Variants in RNF169 observed in about 807,000 individuals in gnomAD.
RNF169 encodes ring finger protein 169.
A neutral mutation model predicts 53.9 loss-of-function variants in RNF169; 24 were observed. That is an observed-to-expected ratio of 0.45 (90% CI 0.32 to 0.63). The LOEUF (loss-of-function observed/expected upper bound fraction) is 0.63. RNF169 is among the 20% of genes least tolerant of loss of function. RNF169 has a pLI of 0.04. For synonymous variants in RNF169, 396 were observed against 363.5 expected, an observed-to-expected ratio of 1.09 and a Z score of -1.02; for missense variants, 883 against 906.2, an observed-to-expected ratio of 0.97 and a Z score of 0.33.
In RNF169 at chr11:74,758,898, G is replaced by A. The variant is rs552696441; in HGVS notation, c.502+9516G>A. On this transcript the variant is annotated intron_variant, in intron 1 of 5. Transcript: ENST00000299563. Reference sequence around the variant, plus strand: ...GCATTGAATCTGTAAATTACCTTGGGCAGTATGGCCATTTTCACGATATTG... The same window carrying A: ...GCATTGAATCTGTAAATTACCTTGGACAGTATGGCCATTTTCACGATATTG... 1.2e-4 allele frequency among the ~76,000 whole-genome samples: 18 copies of A among 148,376 alleles called. No individual in the cohort carries two copies. In the Admixed American group the frequency reaches 1.2e-3, roughly 10 times the overall value.
At chr11:74,763,587 T>G (rs2035124373) in intron 1 of RNF169, among the ~76,000 whole-genome samples, 1 of 152,180 alleles carries the variant, frequency 6.6e-6, no homozygotes, top group Non-Finnish European at 1.5e-5. Context: ...AACAATAGTT[T>G]ACACAGATGA....
chr11:74,785,845 T>C (rs2035492708), intron 1 of RNF169, among the ~76,000 whole-genome samples: 1 of 152,198 alleles, frequency 6.6e-6, no homozygotes, highest in East Asian at 1.9e-4. Context: ...CTTGGTCTTA[T>C]ATGAACTTTG....
At chr11:74,798,502 G>A (rs1315177167) in intron 2 of RNF169, among the ~76,000 whole-genome samples, 1 of 152,196 alleles carries the variant, frequency 6.6e-6, no homozygotes, top group African/African-American at 2.4e-5. Flanking sequence ...CTCCTGATAA[G>A]ATGTTATCAA....
rs2036291717 is a variant in RNF169 at position 74,838,549 on chromosome 11, G to C, written c.*1819G>C. 1 of 152,242 alleles carries C rather than the reference G, an allele frequency of 6.6e-6. No homozygotes were observed. Among genetic ancestry groups the C allele is most frequent in the South Asian group, 2.1e-4 (1 of 4,826 alleles). 9.4% of individuals were successfully genotyped at this position (152,242 alleles called of 1,614,324 possible). A position where few individuals can be genotyped will look rare whatever the true frequency, so the allele number is the denominator to read the frequency against. On this transcript the variant is annotated 3_prime_UTR_variant, in exon 6 of 6. Transcript: ENST00000299563. The stretch of plus-strand genomic sequence containing the variant: ...AACATTGTGGTCATCATTGAGATAG[G>C]TGGAATCTCTTTGGTGACTACGTTG...
In RNF169 at chr11:74,784,310, T is replaced by C. The variant is rs151181171; in HGVS notation, c.503-5316T>C. On this transcript the variant is annotated intron_variant, in intron 1 of 5. Transcript: ENST00000299563. ...ACTATGATCTAAAGAGATTTTCAGT[T>C]CATGACATGTGTTGTATGTGTGTGT... Among the ~76,000 whole-genome samples, 3 of 152,322 alleles carry C rather than the reference T, an allele frequency of 2.0e-5. No homozygotes were observed. The East Asian group carries it at 5.8e-4, about 29-fold the overall frequency.
intron 1 of RNF169, among the ~76,000 whole-genome samples, chr11:74,749,613 G>GT (rs1314344777): frequency 3.9e-5 from 6 of 152,224 alleles, no homozygotes; most frequent in African/African-American, 1.4e-4. Context: ...TGTGCCTTAC[G>GT]TAAGTCCGAA....
chr11:74,823,330 A>G (rs2036043612), intron 4 of RNF169, among the ~76,000 whole-genome samples: 1 of 152,210 alleles, frequency 6.6e-6, no homozygotes, highest in Non-Finnish European at 1.5e-5. Flanking sequence ...GGGAACTCCA[A>G]AAGCCTTCCA....
At chr11:74,814,618 G>A (rs1037819585) in intron 3 of RNF169, among the ~76,000 whole-genome samples, 10 of 151,526 alleles carry the variant, frequency 6.6e-5, no homozygotes, top group Non-Finnish European at 1.0e-4. Flanking sequence ...CTTGAACTCC[G>A]GGGCTCAAGT....
chr11:74,804,920 C>T lies in RNF169; in HGVS notation c.577-5264C>T, dbSNP rs142537350. On this transcript the variant is annotated intron_variant, in intron 2 of 5. Coordinates refer to ENST00000299563, the MANE Select transcript of RNF169 (RefSeq NM_001098638.2). ...TGAACAAATTCCACAAAATAAGATACACTTTCATGCAGTAGTAGTAGGAGT... is the reference window on the plus strand; with the variant it reads ...TGAACAAATTCCACAAAATAAGATATACTTTCATGCAGTAGTAGTAGGAGT... Among the ~76,000 whole-genome samples the T allele has an allele frequency of 8.5e-5, 13 of 152,280 alleles. No individual in the cohort carries two copies. In the East Asian group the frequency reaches 1.7e-3, roughly 20 times the overall value.
At chr11:74,771,136 A>G (rs2035254357) in intron 1 of RNF169, among the ~76,000 whole-genome samples, 1 of 152,080 alleles carries the variant, frequency 6.6e-6, no homozygotes, top group Non-Finnish European at 1.5e-5. Flanking sequence ...ACTTAGTCAT[A>G]CTAACATTAA....
At chr11:74,820,561 G>C (rs1042562538) in intron 4 of RNF169, among the ~76,000 whole-genome samples, 1 of 152,054 alleles carries the variant, frequency 6.6e-6, no homozygotes, top group African/African-American at 2.4e-5. Context: ...ATTATGAGAA[G>C]ATGATGAAGC....
chr11:74,771,027 G>A (rs1028117705), intron 1 of RNF169, among the ~76,000 whole-genome samples: 2 of 151,854 alleles, frequency 1.3e-5, no homozygotes, highest in East Asian at 1.9e-4. Context: ...GGCTGGTCCC[G>A]AACTCTTGAC....
At chr11:74,760,383 G>A (rs1397204747) in intron 1 of RNF169, among the ~76,000 whole-genome samples, 6 of 151,124 alleles carry the variant, frequency 4.0e-5, no homozygotes, top group South Asian at 2.1e-4. Context: ...TGCTTTTCTA[G>A]TTCTTTTAAT....
At chr11:74,809,471 A>C (rs1333478179) in intron 2 of RNF169, among the ~76,000 whole-genome samples, 1 of 152,138 alleles carries the variant, frequency 6.6e-6, no homozygotes, top group Non-Finnish European at 1.5e-5. Context: ...AGCCCATGCT[A>C]TTTTGATAAT....
chr11:74,823,315 G>A (rs1305310385), intron 4 of RNF169, among the ~76,000 whole-genome samples: 1 of 152,142 alleles, frequency 6.6e-6, no homozygotes, highest in Non-Finnish European at 1.5e-5. Flanking sequence ...AAAATTGGCA[G>A]AGCAGGGAAC....
chr11:74,834,833 C>T, intron 5 of RNF169, 58 bp downstream of exon 5: 1 of 1,134,228 alleles, frequency 8.8e-7, no homozygotes, highest in South Asian at 1.3e-5. Context: ...ACCCCCTCTG[C>T]ACATGGTCAT....
intron 1 of RNF169, among the ~76,000 whole-genome samples, chr11:74,763,301 T>C (rs2035119062): frequency 6.6e-6 from 1 of 152,136 alleles, no homozygotes; most frequent in Admixed American, 6.6e-5. Context: ...CAACTGAAGA[T>C]GAATTTATGA....
rs907365414 is a variant in RNF169, at chr11:74,839,535, C to G, written c.*2805C>G. ...AGCTAGAATAAGAGGTGCAGGATTT[C>G]ACAAAACAAATTCCTCACAAATCAT... On this transcript the variant is annotated 3_prime_UTR_variant, in exon 6 of 6. Transcript: ENST00000299563. 6.6e-6 allele frequency: 1 copy of G among 152,146 alleles called. No individual in the cohort carries two copies. The highest frequency in any genetic ancestry group is 1.5e-5 in the Non-Finnish European group (1 of 68,034). The allele number at this position is 152,146 out of a possible 1,614,324, so 9.4% of individuals were successfully genotyped here. A position where few individuals can be genotyped will look rare whatever the true frequency, so the allele number is the denominator to read the frequency against.
chr11:74,835,650 A>C lies in RNF169; in HGVS notation c.1047A>C (p.Leu349=), dbSNP rs767658141. 14 of 1,613,960 alleles carry C rather than the reference A, an allele frequency of 8.7e-6. No homozygotes were observed. Among genetic ancestry groups the C allele is most frequent in the Non-Finnish European group, 1.2e-5 (14 of 1,180,030 alleles). ...SAPDLTIEKR[L]PFSSLSSLAS... is the part of the protein sequence containing the mutation. ...CTGACTTAACCATCGAAAAGCGTCT[A>C]CCCTTCAGCTCCCTTTCATCCTTGG... Residue 349 remains leucine, a synonymous_variant, in exon 6 of 6, where the codon CTA becomes CTC. Transcript: ENST00000299563.
Sources: gnomAD v4.1 joint callset for allele counts (sites outside exome capture counted in the v4.1 genomes callset) on GRCh38, gnomAD v4.1.1 for gene constraint, MANE v1.5 for transcripts, NCBI Gene and HGNC (gene_info 2026-07-23, HGNC 2026-07-21) for gene names.